CACNA2D3: variants seen among roughly 807,000 people sequenced by gnomAD.
CACNA2D3 encodes the protein voltage-dependent calcium channel subunit alpha-2/delta-3.
A neutral mutation model predicts 160.6 loss-of-function variants in CACNA2D3; 60 were observed. The observed-to-expected ratio is 0.37, with a 90% CI of 0.30 to 0.46. CACNA2D3 has a LOEUF of 0.46. Ranked by LOEUF, CACNA2D3 falls within the 20% of genes least tolerant of loss-of-function variation. The probability of loss-of-function intolerance (pLI) is 1.00; values close to 1 mark genes in which losing one functional copy is unlikely to be tolerated. For missense variants in CACNA2D3, 1,205 were observed against 1,365.0 expected (o/e 0.88, Z 1.85); for synonymous variants, 558 against 492.9 (o/e 1.13, Z -1.75).
intron 11 of CACNA2D3, among the ~76,000 whole-genome samples, chr3:54,643,125 G>A (rs1699559598): frequency 4.8e-5 from 1 of 20,668 alleles, no homozygotes. Flanking sequence ...GTGTTATCCT[G>A]ACTGTCTATA....
At chr3:55,020,849 C>CA (rs759779848) in intron 35 of CACNA2D3, among the ~76,000 whole-genome samples, 11,320 of 134,176 alleles carry the variant, frequency 0.084, 522 homozygotes, top group Middle Eastern at 0.11. Flanking sequence ...GATTCCGTCT[C>CA]AAAAAAAAAA....
intron 24 of CACNA2D3, 125 bp downstream of exon 24, chr3:54,888,177 A>T (rs752644102): frequency 5.3e-6 from 4 of 755,704 alleles, no homozygotes; most frequent in African/African-American, 3.5e-5. Flanking sequence ...TTTTCCCCCA[A>T]GCTCCAAACC....
intron 9 of CACNA2D3, among the ~76,000 whole-genome samples, chr3:54,609,219 A>G (rs2106786160): frequency 6.6e-6 from 1 of 152,310 alleles, no homozygotes; most frequent in South Asian, 2.1e-4. Context: ...TAAAAGACCT[A>G]GTGATAAGGT....
At chr3:55,061,565 G>A (rs754526556) in intron 35 of CACNA2D3, among the ~76,000 whole-genome samples, 1 of 152,208 alleles carries the variant, frequency 6.6e-6, no homozygotes, top group African/African-American at 2.4e-5. Flanking sequence ...GTAAGCTTCA[G>A]ATAGGGCTTA....
chr3:54,294,755 G>A (rs1279414727), intron 2 of CACNA2D3, among the ~76,000 whole-genome samples: 1 of 152,198 alleles, frequency 6.6e-6, no homozygotes, highest in Non-Finnish European at 1.5e-5. Context: ...AAAAAATAAA[G>A]AGATAGAGCT....
chr3:54,659,254 C>T (rs960537238), intron 11 of CACNA2D3, among the ~76,000 whole-genome samples: 9 of 152,188 alleles, frequency 5.9e-5, no homozygotes, highest in East Asian at 1.9e-4. Flanking sequence ...TTGTTTTCTC[C>T]GAAGTGCCCA....
At chr3:54,535,836 A>G (rs1701880747) in intron 5 of CACNA2D3, among the ~76,000 whole-genome samples, 1 of 152,226 alleles carries the variant, frequency 6.6e-6, no homozygotes, top group African/African-American at 2.4e-5. Context: ...GGGAGGCTGA[A>G]TTATGTCTGA....
chr3:54,687,134 T>TTTCTTTTTCTTTTTC (rs746333275), intron 11 of CACNA2D3, among the ~76,000 whole-genome samples: 3 of 58,438 alleles, frequency 5.1e-5, no homozygotes, highest in African/African-American at 2.1e-4. Context: ...TTTTTTTTTT[T>TTTCTTTTTCTTTTTC]GTTTTTTTTT....
chr3:54,167,099 T>C (rs1700473788), intron 2 of CACNA2D3, among the ~76,000 whole-genome samples: 1 of 152,198 alleles, frequency 6.6e-6, no homozygotes, highest in African/African-American at 2.4e-5. Flanking sequence ...GTACAGAGTG[T>C]CCTGCTGTTT....
At chr3:54,289,185 A>C (rs1703117514) in intron 2 of CACNA2D3, among the ~76,000 whole-genome samples, 1 of 152,212 alleles carries the variant, frequency 6.6e-6, no homozygotes, top group Non-Finnish European at 1.5e-5. Context: ...AATCTCCTTC[A>C]GCTGATAAGC....
intron 11 of CACNA2D3, among the ~76,000 whole-genome samples, chr3:54,720,906 A>C (rs942155065): frequency 2.0e-5 from 3 of 152,180 alleles, no homozygotes; most frequent in African/African-American, 7.2e-5. Context: ...AAAGGACAAG[A>C]TATACTAAAA....
intron 11 of CACNA2D3, among the ~76,000 whole-genome samples, chr3:54,654,269 G>T (rs1699834479): frequency 6.6e-6 from 1 of 152,078 alleles, no homozygotes; most frequent in African/African-American, 2.4e-5. Flanking sequence ...GTGGCTCATA[G>T]ATCATATTTT....
At chr3:54,229,754 C>T (rs910157331) in intron 2 of CACNA2D3, among the ~76,000 whole-genome samples, 16 of 152,096 alleles carry the variant, frequency 1.1e-4, no homozygotes, top group African/African-American at 3.4e-4. Flanking sequence ...GCCAGTTTCC[C>T]GCTAGAGTAT....
chr3:54,448,268 A>G lies in CACNA2D3; in HGVS notation c.382-55224A>G, dbSNP rs533502145. 2.0e-5 allele frequency among the ~76,000 whole-genome samples: 3 copies of G among 152,318 alleles called. No individual in the cohort carries two copies. In the East Asian group the frequency reaches 5.8e-4, roughly 29 times the overall value. ...GCTCATTGCCTCTGAATGGCCTGAA[A>G]AATTAGCTAAGACCTATGCCCAGCT... is the stretch of plus-strand genomic sequence containing the variant. On this transcript the variant is annotated intron_variant, in intron 4 of 37. Transcript: ENST00000474759.
chr3:54,761,284 C>T (rs1702075421), intron 12 of CACNA2D3, among the ~76,000 whole-genome samples: 1 of 152,172 alleles, frequency 6.6e-6, no homozygotes, highest in African/African-American at 2.4e-5. Flanking sequence ...CACTGCAAAG[C>T]ACTCATCCCT....
intron 11 of CACNA2D3, among the ~76,000 whole-genome samples, chr3:54,651,221 C>T (rs992140990): frequency 1.3e-5 from 2 of 152,094 alleles, no homozygotes; most frequent in Non-Finnish European, 2.9e-5. Context: ...GGAGGGTCTG[C>T]AGAATGTCAG....
intron 13 of CACNA2D3, among the ~76,000 whole-genome samples, chr3:54,766,262 A>G (rs1364223302): frequency 1.3e-5 from 2 of 152,224 alleles, no homozygotes; most frequent in Admixed American, 6.5e-5. Context: ...CCAATATACA[A>G]AGAACTTTTT....
At chr3:54,650,308 T>C (rs1699736398) in intron 11 of CACNA2D3, among the ~76,000 whole-genome samples, 1 of 152,084 alleles carries the variant, frequency 6.6e-6, no homozygotes, top group Admixed American at 6.6e-5. Flanking sequence ...AAGTGGTTAC[T>C]CATGCCTCAG....
At chr3:54,759,610 A>T (rs1191087441) in intron 12 of CACNA2D3, among the ~76,000 whole-genome samples, 1 of 152,186 alleles carries the variant, frequency 6.6e-6, no homozygotes, top group Non-Finnish European at 1.5e-5. Context: ...ACCTTTTTAT[A>T]CATCTGCATC....
Sources: gnomAD v4.1 joint callset for allele counts (sites outside exome capture counted in the v4.1 genomes callset) on GRCh38, gnomAD v4.1.1 for gene constraint, MANE v1.5 for transcripts, NCBI Gene and HGNC (gene_info 2026-07-23, HGNC 2026-07-21) for gene names.